The following SCAF4 variants were observed in gnomAD, a reference collection of about 807,000 sequenced individuals.
SCAF4 encodes the protein SR-related CTD associated factor 4, also known as SR-related and CTD-associated factor 4.
A neutral mutation model predicts 129.8 loss-of-function variants in SCAF4; 25 were observed. The observed-to-expected ratio is 0.19, with a 90% CI of 0.14 to 0.27. SCAF4 has a LOEUF of 0.27. Ranked by LOEUF, SCAF4 falls within the 10% of genes least tolerant of loss-of-function variation. The pLI, the probability that SCAF4 is intolerant of heterozygous loss-of-function variation, is 1.00. For synonymous variants in SCAF4, 551 were observed against 497.7 expected (o/e 1.11, Z -1.43); for missense variants, 1,246 against 1,457.1 (o/e 0.86, Z 2.36).
At chr21:31,729,567 G>A (rs1033667592) in intron 1 of SCAF4, among the ~76,000 whole-genome samples, 40 of 150,182 alleles carry the variant, frequency 2.7e-4, no homozygotes, top group African/African-American at 9.4e-4. Flanking sequence ...AAGATTATAT[G>A]GGGAACGAAT....
intron 11 of SCAF4, 30 bp from the exon 12 acceptor site, chr21:31,693,514 T>C (rs746046238): frequency 1.4e-6 from 2 of 1,399,230 alleles, no homozygotes; most frequent in South Asian, 1.7e-5. Context: ...GGAGAATGCA[T>C]AGCATATAGA....
intron 1 of SCAF4, among the ~76,000 whole-genome samples, chr21:31,724,622 T>C (rs563106132): frequency 2.0e-5 from 3 of 152,326 alleles, no homozygotes; most frequent in Admixed American, 1.3e-4. Context: ...CGCAGATATG[T>C]ACAAAAAAGT....
chr21:31,690,172 T>C (rs1254713794), intron 15 of SCAF4, among the ~76,000 whole-genome samples: 1 of 152,110 alleles, frequency 6.6e-6, no homozygotes, highest in African/African-American at 2.4e-5. Context: ...AAGGTAATTA[T>C]CATGAAGCAC....
Position 31,693,399 on chromosome 21 carries a change from G to A in SCAF4, c.1408C>T (p.Arg470Cys), listed in dbSNP as rs543100857. 4.7e-5 allele frequency: 75 copies of A among 1,583,366 alleles called. No homozygotes were observed. The highest frequency in any genetic ancestry group is 1.7e-4 in the Middle Eastern group (1 of 5,802). Residue 470 changes from arginine to cysteine, a missense_variant, in exon 12 of 20, where the codon CGC (arginine) becomes TGC (cysteine). By Grantham distance (180) the Arg-to-Cys change is radical (BLOSUM62 -3). Coordinates refer to ENST00000286835, the MANE Select transcript of SCAF4 (RefSeq NM_020706.2). ...GATCGAGATCGGGGAGAATGTCGGC[G>A]TCTATCCCTGGACCGAGATCGAGAA... is the stretch of plus-strand genomic sequence containing the variant. Reference protein sequence around the residue: ...RRSRSRSRDRRRHSPRSRSQE... With the variant: ...RRSRSRSRDRCRHSPRSRSQE...
chr21:31,683,673 C>T (rs1273438104), intron 19 of SCAF4, among the ~76,000 whole-genome samples: 2 of 151,796 alleles, frequency 1.3e-5, no homozygotes, highest in African/African-American at 4.8e-5. Context: ...GGGTTGCTAT[C>T]CAGATTCTGT....
chr21:31,724,527 T>C (rs190785245), intron 1 of SCAF4, among the ~76,000 whole-genome samples: 2 of 152,248 alleles, frequency 1.3e-5, no homozygotes, highest in South Asian at 2.1e-4. Context: ...ACAAATGTTA[T>C]GAATAACACT....
In SCAF4 at chr21:31,716,580, C is replaced by T. The variant is rs553387874; in HGVS notation, c.31-10223G>A. 3.3e-5 allele frequency among the ~76,000 whole-genome samples: 5 copies of T among 152,250 alleles called. No homozygotes were observed. In the East Asian group the frequency reaches 5.8e-4, roughly 18 times the overall value. On this transcript the variant is annotated intron_variant, in intron 1 of 19. Coordinates refer to ENST00000286835, the MANE Select transcript of SCAF4 (RefSeq NM_020706.2). ...CACATAGACACTGTATAACAAAGCA[C>T]ACGCTAAATTTCTTAACAAAAGATA...
chr21:31,694,209 T>A lies in SCAF4; in HGVS notation c.1317A>T (p.Ala439=). 1 of 1,592,632 alleles carries A rather than the reference T, an allele frequency of 6.3e-7. No individual in the cohort carries two copies. The change falls in exon 11 of 20, where the codon GCA becomes GCT. Residue 439 remains alanine, a synonymous_variant. Coordinates refer to ENST00000286835, the MANE Select transcript of SCAF4 (RefSeq NM_020706.2). ...AAACATTTTCTATAAATTACCTGGA[T>A]GCTGACCTAGATCTTGACTTTCTGT... ...SDNRKSRSRS[A]SRSPKRRRSR...
At position 31,700,986 on chromosome 21, in the gene SCAF4, G is replaced by A; in HGVS notation, c.777+9C>T. 6.2e-7 allele frequency: 1 copy of A among 1,613,706 alleles called. No homozygotes were observed. The highest frequency in any genetic ancestry group is 1.1e-5 in the South Asian group (1 of 91,064). ...AAATGGTGGGGTGGGTTATGTGAGA[G>A]AAATATACCTTGTCAAATGCAGTTT... is the stretch of plus-strand genomic sequence containing the variant. On this transcript the variant is annotated intron_variant, in intron 7 of 19. Coordinates refer to ENST00000286835, the MANE Select transcript of SCAF4 (RefSeq NM_020706.2).
intron 16 of SCAF4, among the ~76,000 whole-genome samples, chr21:31,687,891 T>G (rs908294251): frequency 6.6e-6 from 1 of 151,964 alleles, no homozygotes; most frequent in Non-Finnish European, 1.5e-5. Flanking sequence ...GCAGATCACT[T>G]GAGGCCAGGA....
intron 10 of SCAF4, 69 bp downstream of exon 10, chr21:31,694,744 A>G: frequency 1.4e-6 from 2 of 1,458,854 alleles, no homozygotes; most frequent in Non-Finnish European, 1.9e-6. Flanking sequence ...CAGCAAGCAA[A>G]TAAGGAGAAA....
chr21:31,686,448 C>T (rs1178156635), intron 16 of SCAF4, among the ~76,000 whole-genome samples: 2 of 152,150 alleles, frequency 1.3e-5, no homozygotes, highest in African/African-American at 4.8e-5. Flanking sequence ...TTCTCCCACC[C>T]GCTTTAGTTA....
chr21:31,685,141 C>G lies in SCAF4; in HGVS notation c.2396G>C (p.Gly799Ala). The G allele has an allele frequency of 6.2e-7, 1 of 1,613,032 alleles. No homozygotes were observed. The highest frequency in any genetic ancestry group is 8.5e-7 in the Non-Finnish European group (1 of 1,179,808). Residue 799 changes from glycine to alanine, a missense_variant, in exon 19 of 20, where the codon GGT becomes GCT. By Grantham distance (60) the Gly-to-Ala change is moderately conservative. Transcript: ENST00000286835. ...AGAGCCATACATTTTCACGCTGTCA[C>G]CAGACTCGGCGTTTCCTCTAGCCCC... ...VSGARGNAES[G>A]DSVKMYGSAV... is the part of the protein sequence containing the mutation.
At chr21:31,683,459 A>G (rs2050042980) in intron 19 of SCAF4, among the ~76,000 whole-genome samples, 1 of 152,240 alleles carries the variant, frequency 6.6e-6, no homozygotes, top group Admixed American at 6.5e-5. Flanking sequence ...CAGGCAGGCT[A>G]CTTACTACGC....
chr21:31,702,233 T>C lies in SCAF4; in HGVS notation c.457+11A>G. The C allele has an allele frequency of 1.9e-6, 3 of 1,614,020 alleles. No individual in the cohort carries two copies. The highest frequency in any genetic ancestry group is 2.5e-6 in the Non-Finnish European group (3 of 1,179,954). On this transcript the variant is annotated intron_variant, in intron 5 of 19. Coordinates refer to ENST00000286835, the MANE Select transcript of SCAF4 (RefSeq NM_020706.2). ...ACCATTGTGTGAGCTCACAGATACA[T>C]CTGACCATACCTTCATTATTGGTAA...
chr21:31,682,991 T>G (rs1189489755), intron 19 of SCAF4, among the ~76,000 whole-genome samples: 1 of 152,248 alleles, frequency 6.6e-6, no homozygotes, highest in African/African-American at 2.4e-5. Flanking sequence ...TGGAAGGCTT[T>G]CTTTCTCATG....
chr21:31,676,074 T>C (rs1568821285), intron 19 of SCAF4, among the ~76,000 whole-genome samples: 2 of 152,140 alleles, frequency 1.3e-5, no homozygotes, highest in Non-Finnish European at 2.9e-5. Context: ...CTGATTTAAA[T>C]ATTGTGGGAG....
intron 1 of SCAF4, among the ~76,000 whole-genome samples, chr21:31,724,501 T>G (rs139211492): frequency 6.6e-6 from 1 of 152,332 alleles, no homozygotes; most frequent in East Asian, 1.9e-4. Flanking sequence ...AAAAAAGGAT[T>G]TGGCATATTG....
At chr21:31,703,267 C>A (rs774852017) in intron 4 of SCAF4, among the ~76,000 whole-genome samples, 7 of 152,058 alleles carry the variant, frequency 4.6e-5, no homozygotes, top group Admixed American at 3.3e-4. Context: ...ATCTTTCCAA[C>A]GATATCTTCT....
Sources: gnomAD v4.1 joint callset for allele counts (sites outside exome capture counted in the v4.1 genomes callset) on GRCh38, gnomAD v4.1.1 for gene constraint, MANE v1.5 for transcripts, NCBI Gene and HGNC (gene_info 2026-07-23, HGNC 2026-07-21) for gene names.